The following PPM1D variants were observed in gnomAD, a reference collection of about 807,000 sequenced individuals.
PPM1D encodes protein phosphatase 1D.
Under a neutral mutation model 58.3 loss-of-function variants are expected in PPM1D, and 52 were observed. That is an observed-to-expected ratio of 0.89 (90% CI 0.71 to 1.12). The LOEUF (loss-of-function observed/expected upper bound fraction) is 1.12, where lower values mean the gene tolerates loss of function less well. Ranked by LOEUF, PPM1D falls within the 50% of genes most tolerant of loss-of-function variation. The probability of loss-of-function intolerance (pLI) is 0.00; values close to 1 mark genes in which losing one functional copy is unlikely to be tolerated. For missense variants in PPM1D, 564 were observed against 777.2 expected (o/e 0.73, Z 3.26); for synonymous variants, 278 against 285.1 (o/e 0.98, Z 0.25).
intron 3 of PPM1D, among the ~76,000 whole-genome samples, chr17:60,647,230 CATTT>C (rs1291092280): frequency 6.6e-6 from 1 of 152,110 alleles, no homozygotes; most frequent in Non-Finnish European, 1.5e-5. Context: ...TTGGTTACTT[CATTT>C]ATTTAGATTA....
Position 60,662,987 on chromosome 17 carries a change from T to C in PPM1D, c.1261-8T>C, listed in dbSNP as rs1203195144. The C allele has an allele frequency of 1.3e-6, 2 of 1,582,504 alleles. No individual in the cohort carries two copies. Among genetic ancestry groups the C allele is most frequent in the African/African-American group, 1.4e-5 (1 of 73,140 alleles). ...TTTTCTTATTTGTTTTACCTTCTTA[T>C]TTTTCAGTCACTGGAGGAGGATCCA... On this transcript the variant is annotated splice_region_variant and splice_polypyrimidine_tract_variant and intron_variant, in intron 5 of 5. Coordinates refer to ENST00000305921, the MANE Select transcript of PPM1D (RefSeq NM_003620.4).
intron 1 of PPM1D, among the ~76,000 whole-genome samples, chr17:60,615,177 G>A (rs2030556997): frequency 2.0e-5 from 3 of 152,074 alleles, no homozygotes; most frequent in Admixed American, 6.6e-5. Flanking sequence ...TGGGCAGATT[G>A]CTCGAGCCCA....
At chr17:60,639,430 T>C (rs1483534779) in intron 3 of PPM1D, among the ~76,000 whole-genome samples, 1 of 150,264 alleles carries the variant, frequency 6.7e-6, no homozygotes. Context: ...ACATTTTTAA[T>C]TCTTCTTCTT....
At chr17:60,615,567 A>G (rs2030565531) in intron 1 of PPM1D, among the ~76,000 whole-genome samples, 1 of 152,134 alleles carries the variant, frequency 6.6e-6, no homozygotes, top group African/African-American at 2.4e-5. Flanking sequence ...CAGTTGCTTA[A>G]TATATAAATT....
chr17:60,639,141 G>GT (rs539237706), intron 3 of PPM1D, among the ~76,000 whole-genome samples: 18 of 152,014 alleles, frequency 1.2e-4, no homozygotes, highest in Admixed American at 7.2e-4. Flanking sequence ...TTGAGACTGA[G>GT]TTTTTTTCTT....
Position 60,662,986 on chromosome 17 carries a change from ATTTTTCAGTC to A in PPM1D, c.1261-8_1262del. The A allele has an allele frequency of 6.3e-7, 1 of 1,581,828 alleles. No homozygotes were observed. Among genetic ancestry groups the A allele is most frequent in the Non-Finnish European group, 8.6e-7 (1 of 1,165,454 alleles). On this transcript the variant is annotated splice_acceptor_variant and splice_polypyrimidine_tract_variant and coding_sequence_variant and intron_variant, in exon 6 of 6. Transcript: ENST00000305921. LOFTEE classifies it high-confidence loss of function. Reference sequence around the variant, plus strand: ...TTTTTCTTATTTGTTTTACCTTCTTATTTTTCAGTCACTGGAGGAGGATCCATGGCCAAGG... The same window carrying A: ...TTTTTCTTATTTGTTTTACCTTCTTAACTGGAGGAGGATCCATGGCCAAGG...
At chr17:60,659,129 T>G (rs1313846154) in intron 5 of PPM1D, among the ~76,000 whole-genome samples, 1 of 152,256 alleles carries the variant, frequency 6.6e-6, no homozygotes, top group East Asian at 1.9e-4. Flanking sequence ...TTGTTGGCTC[T>G]GATCTAACAA....
chr17:60,646,585 CAG>C (rs1334867223), intron 3 of PPM1D, among the ~76,000 whole-genome samples: 1 of 152,112 alleles, frequency 6.6e-6, no homozygotes, highest in African/African-American at 2.4e-5. Flanking sequence ...TTATTGGAAA[CAG>C]AAGAAAAATT....
At chr17:60,643,883 C>CTTTTTTTTTTTTTTTT (rs71148308) in intron 3 of PPM1D, among the ~76,000 whole-genome samples, 7 of 97,750 alleles carry the variant, frequency 7.2e-5, no homozygotes, top group Non-Finnish European at 9.4e-5. Context: ...CTTTTCTTTT[C>CTTTTTTTTTTTTTTTT]TTTTTTTTTT....
intron 4 of PPM1D, among the ~76,000 whole-genome samples, chr17:60,648,789 T>C (rs942744261): frequency 2.1e-5 from 3 of 141,628 alleles, no homozygotes; most frequent in Non-Finnish European, 4.6e-5. Context: ...ACTGTCTCAG[T>C]GTCTCGCTCT....
chr17:60,617,404 C>T (rs1033270112), intron 1 of PPM1D, among the ~76,000 whole-genome samples: 16 of 151,790 alleles, frequency 1.1e-4, no homozygotes, highest in Non-Finnish European at 2.2e-4. Flanking sequence ...TAGCCAGGCA[C>T]AGTAGCACAT....
chr17:60,610,295 G>A (rs868057124), intron 1 of PPM1D, among the ~76,000 whole-genome samples: 5 of 152,038 alleles, frequency 3.3e-5, no homozygotes, highest in South Asian at 2.1e-4. Context: ...ATGCCCCTGC[G>A]ATAAGGGGGT....
chr17:60,645,332 C>A (rs1000495810), intron 3 of PPM1D, among the ~76,000 whole-genome samples: 1 of 151,508 alleles, frequency 6.6e-6, no homozygotes, highest in Non-Finnish European at 1.5e-5. Context: ...CCAGCCTGGG[C>A]AACAAGAGCG....
At chr17:60,655,953 C>G (rs546656911) in intron 4 of PPM1D, among the ~76,000 whole-genome samples, 146 of 151,548 alleles carry the variant, frequency 9.6e-4, no homozygotes, top group African/African-American at 3.3e-3. Context: ...CACCCGCCTC[C>G]TCCTCCCAAA....
chr17:60,602,152 A>G (rs574337404), intron 1 of PPM1D, among the ~76,000 whole-genome samples: 1 of 152,160 alleles, frequency 6.6e-6, no homozygotes, highest in East Asian at 1.9e-4. Flanking sequence ...GGCGTTTCCC[A>G]TCCATCCCAG....
intron 3 of PPM1D, among the ~76,000 whole-genome samples, chr17:60,644,341 G>T (rs982915337): frequency 5.3e-5 from 8 of 151,466 alleles, no homozygotes; most frequent in Non-Finnish European, 1.2e-4. Context: ...TCACTGTGTT[G>T]CCCCGGCTGG....
chr17:60,627,392 G>A (rs566554065), intron 2 of PPM1D, among the ~76,000 whole-genome samples: 85 of 152,046 alleles, frequency 5.6e-4, no homozygotes, highest in Middle Eastern at 6.8e-3. Flanking sequence ...ACAGGTGCAC[G>A]TGTGCCAACA....
chr17:60,645,647 T>C lies in PPM1D; in HGVS notation c.827-2245T>C, dbSNP rs971100673. Among the ~76,000 whole-genome samples the C allele has an allele frequency of 4.7e-5, 6 of 127,966 alleles. No homozygotes were observed. In the East Asian group the frequency reaches 1.2e-3, roughly 26 times the overall value. The allele number at this position is 127,966 out of a possible 152,430, so 84.0% of individuals were successfully genotyped here. Reference sequence around the variant, plus strand: ...ATGTATATGTATATGTGTGTGTGTGTATATATATATATACACACACACACA... The same window carrying C: ...ATGTATATGTATATGTGTGTGTGTGCATATATATATATACACACACACACA... On this transcript the variant is annotated intron_variant, in intron 3 of 5. Coordinates refer to ENST00000305921, the MANE Select transcript of PPM1D (RefSeq NM_003620.4).
chr17:60,621,945 T>C (rs2030713459), intron 1 of PPM1D, among the ~76,000 whole-genome samples: 1 of 149,548 alleles, frequency 6.7e-6, no homozygotes, highest in Admixed American at 6.6e-5. Flanking sequence ...CCCAACACTT[T>C]GGGAGGCCAA....
Sources: gnomAD v4.1 joint callset for allele counts (sites outside exome capture counted in the v4.1 genomes callset) on GRCh38, gnomAD v4.1.1 for gene constraint, MANE v1.5 for transcripts, NCBI Gene and HGNC (gene_info 2026-07-23, HGNC 2026-07-21) for gene names.